Variants in TSHZ2 observed in about 807,000 individuals in gnomAD.
TSHZ2 encodes the protein teashirt homolog 2.
In TSHZ2, 21 loss-of-function variants were observed where a neutral mutation model predicts 74.4. The observed-to-expected ratio is 0.28, with a 90% confidence interval of 0.20 to 0.41. TSHZ2 has a LOEUF of 0.41. TSHZ2 is among the 10% of genes least tolerant of loss of function. The pLI is 1.00. For missense variants in TSHZ2, 1,244 were observed against 1,293.5 expected, an observed-to-expected ratio of 0.96 and a Z score of 0.59; for synonymous variants, 540 against 515.3, an observed-to-expected ratio of 1.05 and a Z score of -0.65.
intron 1 of TSHZ2, among the ~76,000 whole-genome samples, chr20:53,123,679 G>GT (rs1212331807): frequency 7.3e-6 from 1 of 136,502 alleles, no homozygotes; most frequent in Admixed American, 6.9e-5. Flanking sequence ...GAAGATACAA[G>GT]TAAGTTAGCC....
chr20:53,254,750 C>G lies in TSHZ2; in HGVS notation c.1292C>G (p.Ser431Trp). 6.2e-7 allele frequency: 1 copy of G among 1,613,406 alleles called. No homozygotes were observed. The highest frequency in any genetic ancestry group is 8.5e-7 in the Non-Finnish European group (1 of 1,179,488). ...LDPLAVEKMQ[S>W]LSEAPNSDSL... ...CCGTTAGCAGTGGAGAAAATGCAGTCGTTGTCTGAGGCCCCAAACAGTGAT... is the reference window on the plus strand; with the variant it reads ...CCGTTAGCAGTGGAGAAAATGCAGTGGTTGTCTGAGGCCCCAAACAGTGAT... Residue 431 changes from serine (S) to tryptophan (W), a missense_variant, in exon 2 of 3, where the codon TCG (serine) becomes TGG (tryptophan). By Grantham distance (177) the Ser-to-Trp change is radical. Transcript: ENST00000371497.
chr20:53,346,477 G>C (rs1980443444), intron 2 of TSHZ2, among the ~76,000 whole-genome samples: 2 of 152,182 alleles, frequency 1.3e-5, no homozygotes, highest in African/African-American at 4.8e-5. Context: ...TGAGAAATGT[G>C]ACATCTGTGC....
At chr20:53,030,766 C>T (rs1983606465) in intron 1 of TSHZ2, among the ~76,000 whole-genome samples, 1 of 152,150 alleles carries the variant, frequency 6.6e-6, no homozygotes, top group Non-Finnish European at 1.5e-5. Context: ...TGGACTACAG[C>T]CTTTCAAAAG....
intron 2 of TSHZ2, among the ~76,000 whole-genome samples, chr20:53,262,819 A>G (rs887711360): frequency 5.3e-5 from 8 of 152,144 alleles, no homozygotes; most frequent in African/African-American, 1.9e-4. Context: ...AGTGCATGTC[A>G]TGTTCTCCTA....
chr20:53,317,433 T>C (rs915258387), intron 2 of TSHZ2, among the ~76,000 whole-genome samples: 2 of 152,184 alleles, frequency 1.3e-5, no homozygotes, highest in African/African-American at 2.4e-5. Flanking sequence ...ATGGGGCTCA[T>C]GTGGGCTGCA....
intron 1 of TSHZ2, among the ~76,000 whole-genome samples, chr20:53,015,863 G>T (rs1005343428): frequency 1.3e-5 from 2 of 152,104 alleles, no homozygotes; most frequent in Admixed American, 1.3e-4. Flanking sequence ...AGTACACCTT[G>T]CCCAGTGTTC....
At chr20:53,091,362 C>G (rs1317676937) in intron 1 of TSHZ2, among the ~76,000 whole-genome samples, 1 of 152,096 alleles carries the variant, frequency 6.6e-6, no homozygotes, top group Non-Finnish European at 1.5e-5. Context: ...AGTCATCAGC[C>G]ACTTCTCTAG....
chr20:53,299,015 G>A (rs1184354001), intron 2 of TSHZ2, among the ~76,000 whole-genome samples: 1 of 152,170 alleles, frequency 6.6e-6, no homozygotes, highest in East Asian at 1.9e-4. Flanking sequence ...CAGCTCCTGT[G>A]AATTTCACAA....
chr20:53,010,281 T>C (rs571630701), intron 1 of TSHZ2, among the ~76,000 whole-genome samples: 19 of 152,294 alleles, frequency 1.2e-4, no homozygotes, highest in Non-Finnish European at 2.2e-4. Flanking sequence ...TTGCATCACA[T>C]GGCAGAATGA....
intron 2 of TSHZ2, among the ~76,000 whole-genome samples, chr20:53,277,480 A>G (rs1990970950): frequency 6.6e-6 from 1 of 152,072 alleles, no homozygotes; most frequent in South Asian, 2.1e-4. Context: ...AACAAGGAAT[A>G]TAACAGCTCA....
chr20:53,167,898 T>G lies in TSHZ2; in HGVS notation c.41-85601T>G, dbSNP rs115704450. On this transcript the variant is annotated intron_variant, in intron 1 of 2. Coordinates refer to ENST00000371497, the MANE Select transcript of TSHZ2 (RefSeq NM_173485.6). ...AAGTTGAACATGTGAATAACTGTCT[T>G]TCAAGGTGTTTCTTTATGCCCAGGT... is the stretch of plus-strand genomic sequence containing the variant. 1.5e-3 allele frequency among the ~76,000 whole-genome samples: 231 copies of G among 152,318 alleles called. 2 individuals are homozygous for G. The highest frequency in any genetic ancestry group is 5.4e-3 in the African/African-American group (226 of 41,566).
chr20:53,145,468 C>A (rs1269338805), intron 1 of TSHZ2, among the ~76,000 whole-genome samples: 58 of 151,994 alleles, frequency 3.8e-4, no homozygotes, highest in Admixed American at 3.7e-3. Flanking sequence ...GGTTGTTGAT[C>A]CTGGGAAACC....
At chr20:53,120,733 T>C (rs1986785722) in intron 1 of TSHZ2, among the ~76,000 whole-genome samples, 3 of 152,208 alleles carry the variant, frequency 2.0e-5, no homozygotes, top group Non-Finnish European at 4.4e-5. Flanking sequence ...GGACCCCTGG[T>C]GATATTACCT....
intron 1 of TSHZ2, among the ~76,000 whole-genome samples, chr20:53,026,835 T>G (rs940913291): frequency 3.3e-5 from 5 of 152,208 alleles, no homozygotes; most frequent in African/African-American, 1.2e-4. Flanking sequence ...AAGCTTAGTT[T>G]TAATAATAAA....
intron 1 of TSHZ2, among the ~76,000 whole-genome samples, chr20:53,059,736 G>A (rs1197501000): frequency 6.6e-6 from 1 of 152,098 alleles, no homozygotes; most frequent in Non-Finnish European, 1.5e-5. Context: ...CGTTCCTATT[G>A]ACTTTGAAAT....
At chr20:53,353,493 C>G (rs1381111370) in intron 2 of TSHZ2, among the ~76,000 whole-genome samples, 1 of 152,162 alleles carries the variant, frequency 6.6e-6, no homozygotes, top group Non-Finnish European at 1.5e-5. Flanking sequence ...CATTCCCGTG[C>G]CATTAAGCAT....
intron 1 of TSHZ2, among the ~76,000 whole-genome samples, chr20:53,207,535 G>A (rs1311194177): frequency 6.6e-6 from 1 of 152,094 alleles, no homozygotes; most frequent in Non-Finnish European, 1.5e-5. Context: ...GTAGGGACAT[G>A]GCTGCAGAGG....
chr20:53,073,276 CCATT>C (rs1864744764), intron 1 of TSHZ2, among the ~76,000 whole-genome samples: 3 of 148,406 alleles, frequency 2.0e-5, no homozygotes, highest in South Asian at 4.3e-4. Context: ...ATCCATCCCT[CCATT>C]CATCCATCCA....
chr20:53,079,592 T>C (rs1002634299), intron 1 of TSHZ2, among the ~76,000 whole-genome samples: 3 of 152,210 alleles, frequency 2.0e-5, no homozygotes, highest in African/African-American at 7.2e-5. Flanking sequence ...GGCTTTGGTC[T>C]GAGCCAGGCA....
Sources: gnomAD v4.1 joint callset for allele counts (sites outside exome capture counted in the v4.1 genomes callset) on GRCh38, gnomAD v4.1.1 for gene constraint, MANE v1.5 for transcripts, NCBI Gene and HGNC (gene_info 2026-07-23, HGNC 2026-07-21) for gene names.